Variants in KAT6B observed in about 807,000 individuals in gnomAD.
The protein encoded by KAT6B is lysine acetyltransferase 6B, also known as histone acetyltransferase KAT6B.
A neutral mutation model predicts 187.5 loss-of-function variants in KAT6B; 10 were observed. That is an observed-to-expected ratio of 0.05 (90% CI 0.03 to 0.09). The LOEUF (loss-of-function observed/expected upper bound fraction) is 0.09, where lower values mean the gene tolerates loss of function less well. KAT6B is among the 10% of genes least tolerant of loss of function. KAT6B has a pLI of 1.00. For missense variants in KAT6B, 1,952 were observed against 2,558.9 expected (o/e 0.76, Z 5.12); for synonymous variants, 861 against 926.8 (o/e 0.93, Z 1.29).
intron 11 of KAT6B, 85 bp downstream of exon 11, chr10:74,982,013 G>T: frequency 1.6e-6 from 2 of 1,275,050 alleles, no homozygotes; most frequent in East Asian, 2.3e-5. Flanking sequence ...TGTTTAGAAG[G>T]TACAAAGTAT....
intron 3 of KAT6B, among the ~76,000 whole-genome samples, chr10:74,905,027 A>G (rs1009330522): frequency 6.6e-6 from 1 of 152,182 alleles, no homozygotes; most frequent in African/African-American, 2.4e-5. Flanking sequence ...TGCACAGTTA[A>G]ATTATTAGCT....
chr10:74,865,238 G>T (rs1843472669), intron 3 of KAT6B, among the ~76,000 whole-genome samples: 1 of 152,166 alleles, frequency 6.6e-6, no homozygotes, highest in Admixed American at 6.5e-5. Flanking sequence ...GAGCATTTTG[G>T]CATATTACTG....
intron 13 of KAT6B, among the ~76,000 whole-genome samples, chr10:75,000,569 C>A (rs190140728): frequency 6.6e-6 from 1 of 152,078 alleles, no homozygotes; most frequent in Middle Eastern, 3.2e-3. Flanking sequence ...TACAGACTTA[C>A]GTCTATAGTT....
At chr10:74,836,424 A>T (rs1003357911) in intron 1 of KAT6B, among the ~76,000 whole-genome samples, 1 of 152,126 alleles carries the variant, frequency 6.6e-6, no homozygotes, top group African/African-American at 2.4e-5. Flanking sequence ...ATTGCTTCTT[A>T]TATGTTCTGT....
At chr10:75,006,684 C>T (rs976460440) in intron 13 of KAT6B, among the ~76,000 whole-genome samples, 8 of 152,168 alleles carry the variant, frequency 5.3e-5, no homozygotes, top group African/African-American at 1.9e-4. Flanking sequence ...TCAAGCGATC[C>T]ATCTGCCTTG....
intron 13 of KAT6B, among the ~76,000 whole-genome samples, chr10:75,016,262 T>A (rs1046048269): frequency 2.0e-5 from 3 of 152,182 alleles, no homozygotes; most frequent in Non-Finnish European, 2.9e-5. Flanking sequence ...TAACATGAGA[T>A]TTGATTCTTT....
intron 3 of KAT6B, among the ~76,000 whole-genome samples, chr10:74,934,652 G>T (rs962045560): frequency 6.6e-6 from 1 of 152,086 alleles, no homozygotes; most frequent in Non-Finnish European, 1.5e-5. Flanking sequence ...TTCATTTTCA[G>T]TTCCTCTAGG....
intron 7 of KAT6B, among the ~76,000 whole-genome samples, chr10:74,973,424 T>C (rs1841967663): frequency 6.6e-6 from 1 of 152,200 alleles, no homozygotes; most frequent in African/African-American, 2.4e-5. Flanking sequence ...TCAGTAGACT[T>C]GCACATCTAT....
At chr10:74,872,380 A>G (rs1010816341) in intron 3 of KAT6B, among the ~76,000 whole-genome samples, 19 of 151,988 alleles carry the variant, frequency 1.3e-4, no homozygotes, top group Admixed American at 1.2e-3. Context: ...AGATTCTGTA[A>G]GTTTCTTTTT....
At chr10:75,022,685 C>T (rs1845531316) in intron 16 of KAT6B, among the ~76,000 whole-genome samples, 1 of 152,204 alleles carries the variant, frequency 6.6e-6, no homozygotes, top group Non-Finnish European at 1.5e-5. Context: ...AATCCCAGCA[C>T]TTTGGGAGGC....
intron 17 of KAT6B, among the ~76,000 whole-genome samples, chr10:75,028,242 A>T (rs1846023758): frequency 6.6e-6 from 1 of 152,186 alleles, no homozygotes; most frequent in African/African-American, 2.4e-5. Flanking sequence ...AAATTCAAAT[A>T]AGCACATTAG....
At chr10:74,876,510 G>A (rs920579842) in intron 3 of KAT6B, among the ~76,000 whole-genome samples, 2 of 152,184 alleles carry the variant, frequency 1.3e-5, no homozygotes, top group Non-Finnish European at 2.9e-5. Context: ...CTCAATTTAA[G>A]TAGGCCTTTT....
rs926020179 is a variant in KAT6B, at chr10:74,979,425, G to A, written c.2231+86G>A. On this transcript the variant is annotated intron_variant, in intron 10 of 17. Coordinates refer to ENST00000287239, the MANE Select transcript of KAT6B (RefSeq NM_012330.4). ...TCTTGATTCTAAAGCAGGAATTAGGGATGATTTTAGGAAATAAATTTTGGT... is the reference window on the plus strand; with the variant it reads ...TCTTGATTCTAAAGCAGGAATTAGGAATGATTTTAGGAAATAAATTTTGGT... 10 of 966,624 alleles carry A rather than the reference G, an allele frequency of 1.0e-5. No individual in the cohort carries two copies. The African/African-American group carries it at 1.1e-4, about 11-fold the overall frequency. The allele number at this position is 966,624 out of a possible 1,614,324, so 59.9% of individuals were successfully genotyped here. A position where few individuals can be genotyped will look rare whatever the true frequency, so the allele number is the denominator to read the frequency against.
chr10:75,003,862 CTT>C (rs1169913576), intron 13 of KAT6B, among the ~76,000 whole-genome samples: 1 of 152,024 alleles, frequency 6.6e-6, no homozygotes, highest in African/African-American at 2.4e-5. Flanking sequence ...ATTTGTGTAT[CTT>C]TTTTTAAGCT....
Position 74,985,248 on chromosome 10 carries a change from C to T in KAT6B, c.2535+7C>T. The T allele has an allele frequency of 6.2e-7, 1 of 1,613,744 alleles. No individual in the cohort carries two copies. The stretch of plus-strand genomic sequence containing the variant: ...GGTTGGATACTTCTCTAAGGTAAAA[C>T]AAGAGCCAGCATGACCTTCATTTTC... On this transcript the variant is annotated splice_region_variant and intron_variant, in intron 12 of 17. Coordinates refer to ENST00000287239, the MANE Select transcript of KAT6B (RefSeq NM_012330.4).
chr10:74,892,365 C>A (rs1265129048), intron 3 of KAT6B, among the ~76,000 whole-genome samples: 1 of 152,164 alleles, frequency 6.6e-6, no homozygotes, highest in Non-Finnish European at 1.5e-5. Context: ...GAGACCCTGT[C>A]TCCTATAAAG....
At position 74,866,313 on chromosome 10, in the gene KAT6B, T is replaced by C. The variant is rs557689548; in HGVS notation, c.621+22835T>C. ...ATTTAATGGTGAAGTGTCTTGATGT[T>C]TGCAGCTTACTTTCAAATGGTTCAG... On this transcript the variant is annotated intron_variant, in intron 3 of 17. Coordinates refer to ENST00000287239, the MANE Select transcript of KAT6B (RefSeq NM_012330.4). 3.5e-4 allele frequency among the ~76,000 whole-genome samples: 53 copies of C among 151,924 alleles called. 1 individual carries two copies. The highest frequency in any genetic ancestry group is 1.2e-3 in the African/African-American group (50 of 41,446).
intron 3 of KAT6B, among the ~76,000 whole-genome samples, chr10:74,899,267 A>ATTG (rs1233728149): frequency 6.8e-6 from 1 of 147,368 alleles, no homozygotes; most frequent in Admixed American, 6.8e-5. Context: ...TATTATTATT[A>ATTG]TTATTATTAT....
At chr10:74,938,493 G>A (rs1013658949) in intron 3 of KAT6B, among the ~76,000 whole-genome samples, 1 of 152,042 alleles carries the variant, frequency 6.6e-6, no homozygotes, top group Non-Finnish European at 1.5e-5. Context: ...AAGAAAGAAG[G>A]GAGAGAGGAA....
Sources: allele counts gnomAD v4.1 joint callset (sites outside exome capture counted in the v4.1 genomes callset), GRCh38; gene constraint gnomAD v4.1.1; transcripts MANE v1.5; gene names NCBI Gene and HGNC (gene_info 2026-07-23, HGNC 2026-07-21).